EP300: variants seen among roughly 807,000 people sequenced by gnomAD.
EP300 encodes EP300 lysine acetyltransferase.
In EP300, 31 loss-of-function variants were observed where a neutral mutation model predicts 264.0. The ratio of observed to expected loss-of-function variants is 0.12; its 90% CI spans 0.09 to 0.16. The LOEUF (loss-of-function observed/expected upper bound fraction) is 0.16, where lower values mean the gene tolerates loss of function less well. Ranked by LOEUF, EP300 falls within the 10% of genes least tolerant of loss-of-function variation. The probability of loss-of-function intolerance (pLI) is 1.00; values close to 1 mark genes in which losing one functional copy is unlikely to be tolerated. For synonymous variants in EP300, 1,340 were observed against 1,045.4 expected, an observed-to-expected ratio of 1.28 and a Z score of -5.44; for missense variants, 2,766 against 3,052.9, an observed-to-expected ratio of 0.91 and a Z score of 2.21.
intron 16 of EP300, among the ~76,000 whole-genome samples, chr22:41,154,376 CTTTTT>C (rs869304891): frequency 3.7e-4 from 23 of 61,792 alleles, no homozygotes; most frequent in Admixed American, 2.4e-3. Flanking sequence ...CTTGTGCACT[CTTTTT>C]TTTTTTTTTT....
chr22:41,134,989 C>T (rs1326872580), intron 6 of EP300, among the ~76,000 whole-genome samples: 1 of 152,134 alleles, frequency 6.6e-6, no homozygotes, highest in African/African-American at 2.4e-5. Flanking sequence ...CTCACTGCAA[C>T]CTCCGCCTCC....
chr22:41,174,443 GA>G (rs1266711076), intron 29 of EP300: 2 of 152,188 alleles, frequency 1.3e-5, no homozygotes, highest in African/African-American at 4.8e-5. Flanking sequence ...TTCTGAAAGT[GA>G]ATTAGTAAAT....
At chr22:41,135,258 G>T (rs2058944084) in intron 6 of EP300, among the ~76,000 whole-genome samples, 1 of 152,134 alleles carries the variant, frequency 6.6e-6, no homozygotes, top group African/African-American at 2.4e-5. Context: ...AGTTTTAGTA[G>T]GTTGTTGTCT....
chr22:41,120,684 G>T (rs1302606503), intron 2 of EP300, among the ~76,000 whole-genome samples: 1 of 152,056 alleles, frequency 6.6e-6, no homozygotes, highest in Non-Finnish European at 1.5e-5. Flanking sequence ...CCAATCTTTA[G>T]ATTCAGCATA....
At chr22:41,101,361 G>A (rs749065112) in intron 1 of EP300, among the ~76,000 whole-genome samples, 1 of 151,864 alleles carries the variant, frequency 6.6e-6, no homozygotes, top group Non-Finnish European at 1.5e-5. Flanking sequence ...GAGAGCCACA[G>A]TGCCTGGCCA....
intron 2 of EP300, among the ~76,000 whole-genome samples, chr22:41,123,435 A>G (rs1004075254): frequency 6.6e-6 from 1 of 152,280 alleles, no homozygotes; most frequent in African/African-American, 2.4e-5. Flanking sequence ...TTTTTCTTTT[A>G]TAGAGGCAGG....
intron 19 of EP300, chr22:41,159,522 T>C (rs1378161357): frequency 6.6e-6 from 1 of 152,208 alleles, no homozygotes; most frequent in Non-Finnish European, 1.5e-5. Context: ...ATGAAACTTT[T>C]CTCATGTTTA....
chr22:41,168,627 C>T (rs770740739), intron 24 of EP300, 28 bp downstream of exon 24: 1 of 1,613,582 alleles, frequency 6.2e-7, no homozygotes. Context: ...TTTTCTTCTC[C>T]TCGTGGATCC....
At chr22:41,136,031 G>A (rs1208588438) in intron 7 of EP300, 125 bp downstream of exon 7, 2 of 781,674 alleles carry the variant, frequency 2.6e-6, no homozygotes, top group Non-Finnish European at 4.5e-6. Context: ...ATAGATGTTT[G>A]AGTCCATTCT....
At chr22:41,156,968 G>C (rs755876419) in intron 17 of EP300, among the ~76,000 whole-genome samples, 1 of 152,132 alleles carries the variant, frequency 6.6e-6, no homozygotes, top group Non-Finnish European at 1.5e-5. Context: ...TAGTAGTTCT[G>C]TTTCTCTGCC....
At chr22:41,113,116 A>G (rs962927703) in intron 1 of EP300, among the ~76,000 whole-genome samples, 11 of 148,632 alleles carry the variant, frequency 7.4e-5, no homozygotes, top group African/African-American at 2.7e-4. Flanking sequence ...CTCTCATTTC[A>G]AAATGTGTGT....
At chr22:41,123,608 G>A (rs1256369996) in intron 2 of EP300, among the ~76,000 whole-genome samples, 1 of 152,204 alleles carries the variant, frequency 6.6e-6, no homozygotes, top group Non-Finnish European at 1.5e-5. Context: ...GGTCTTAGCA[G>A]ACAGAAATCT....
At chr22:41,116,458 C>T (rs574075377) in intron 1 of EP300, among the ~76,000 whole-genome samples, 15 of 152,172 alleles carry the variant, frequency 9.9e-5, no homozygotes, top group Admixed American at 5.9e-4. Context: ...TGAGAACATG[C>T]GGTGTTTAGT....
At chr22:41,135,554 G>A (rs2058945787) in intron 6 of EP300, among the ~76,000 whole-genome samples, 1 of 151,112 alleles carries the variant, frequency 6.6e-6, no homozygotes, top group African/African-American at 2.4e-5. Flanking sequence ...CTCTGCGCCT[G>A]GTCACATTTG....
At chr22:41,124,040 G>T (rs1211342144) in intron 2 of EP300, among the ~76,000 whole-genome samples, 2 of 152,200 alleles carry the variant, frequency 1.3e-5, no homozygotes, top group African/African-American at 4.8e-5. Flanking sequence ...TTGAGGTCAG[G>T]AGTTCAAGGC....
chr22:41,146,983 T>C (rs1261433550), intron 11 of EP300, among the ~76,000 whole-genome samples, 167 bp downstream of exon 11: 2 of 152,160 alleles, frequency 1.3e-5, no homozygotes, highest in East Asian at 3.9e-4. Flanking sequence ...ACAGGGCAGG[T>C]GACATTAAAT....
At chr22:41,155,564 G>C (rs1260373416) in intron 17 of EP300, among the ~76,000 whole-genome samples, 2 of 152,030 alleles carry the variant, frequency 1.3e-5, no homozygotes, top group Non-Finnish European at 2.9e-5. Flanking sequence ...TATTCACAGA[G>C]TTGTGCATGA....
intron 1 of EP300, among the ~76,000 whole-genome samples, chr22:41,102,192 C>A (rs993677274): frequency 3.9e-5 from 6 of 152,008 alleles, no homozygotes; most frequent in Non-Finnish European, 8.8e-5. Flanking sequence ...AGGAACTTAT[C>A]CTCTGTACAT....
intron 1 of EP300, among the ~76,000 whole-genome samples, chr22:41,103,596 G>A (rs1221167327): frequency 6.6e-6 from 1 of 152,226 alleles, no homozygotes; most frequent in Non-Finnish European, 1.5e-5. Flanking sequence ...TACCTTAGAA[G>A]TAGGGAAAGT....
Sources: allele counts gnomAD v4.1 joint callset (sites outside exome capture counted in the v4.1 genomes callset), GRCh38; gene constraint gnomAD v4.1.1; transcripts MANE v1.5; gene names NCBI Gene and HGNC (gene_info 2026-07-23, HGNC 2026-07-21).